Variants in ITPR2 observed in about 807,000 individuals in gnomAD.
ITPR2 encodes inositol 1,4,5-trisphosphate-gated calcium channel ITPR2.
Under a neutral mutation model 317.1 loss-of-function variants are expected in ITPR2, and 207 were observed. The ratio of observed to expected loss-of-function variants is 0.65; its 90% CI spans 0.58 to 0.73. The LOEUF (loss-of-function observed/expected upper bound fraction) is 0.73, where lower values mean the gene tolerates loss of function less well. ITPR2 is among the 30% of genes least tolerant of loss of function. The pLI, the probability that ITPR2 is intolerant of heterozygous loss-of-function variation, is 0.00. For missense variants in ITPR2, 2,613 were observed against 3,284.0 expected, an observed-to-expected ratio of 0.80 and a Z score of 4.99; for synonymous variants, 1,156 against 1,149.1, an observed-to-expected ratio of 1.01 and a Z score of -0.12.
chr12:26,376,978 C>A lies in ITPR2; in HGVS notation c.7857+10456G>T, dbSNP rs552516223. Among the ~76,000 whole-genome samples the A allele has an allele frequency of 5.9e-5, 9 of 152,284 alleles. No homozygotes were observed. In the East Asian group the frequency reaches 1.7e-3, roughly 29 times the overall value. ...TCCTGACCTCAGGTGATCCACCTGT[C>A]CCAGCCTCCCAAAGTGCTGGGATTA... On this transcript the variant is annotated intron_variant, in intron 55 of 56. Transcript: ENST00000381340.
At chr12:26,578,636 G>T in intron 34 of ITPR2, 77 bp downstream of exon 34, 1 of 1,314,232 alleles carries the variant, frequency 7.6e-7, no homozygotes, top group Non-Finnish European at 1.1e-6. Context: ...TTGGGAAGCT[G>T]CTTGTGTTGC....
chr12:26,461,691 TACACACACACACAC>T (rs10580959), intron 45 of ITPR2, among the ~76,000 whole-genome samples: 1 of 123,800 alleles, frequency 8.1e-6, no homozygotes. Flanking sequence ...CATATATATA[TACACACACACACAC>T]ACACACACAC....
chr12:26,812,601 T>G (rs1401199332), intron 1 of ITPR2, among the ~76,000 whole-genome samples: 2 of 152,210 alleles, frequency 1.3e-5, no homozygotes, highest in Non-Finnish European at 2.9e-5. Context: ...TAATACTAAT[T>G]TTTAAATGTC....
At chr12:26,603,186 C>A (rs936924351) in intron 26 of ITPR2, among the ~76,000 whole-genome samples, 2 of 152,166 alleles carry the variant, frequency 1.3e-5, no homozygotes, top group African/African-American at 4.8e-5. Context: ...CACAACAATT[C>A]TCTGACAGGT....
At chr12:26,427,853 T>A (rs1033081474) in intron 49 of ITPR2, 60 bp downstream of exon 49, 67 of 1,116,746 alleles carry the variant, frequency 6.0e-5, no homozygotes, top group Admixed American at 1.3e-4. Context: ...GTTATATTTT[T>A]ATATTTCATA....
intron 55 of ITPR2, among the ~76,000 whole-genome samples, chr12:26,347,217 A>G (rs1295248135): frequency 6.6e-6 from 1 of 152,248 alleles, no homozygotes; most frequent in Non-Finnish European, 1.5e-5. Flanking sequence ...TAAAGAATGT[A>G]ATAATTTTTC....
At chr12:26,401,812 A>G (rs1189649522) in intron 52 of ITPR2, among the ~76,000 whole-genome samples, 2 of 152,202 alleles carry the variant, frequency 1.3e-5, no homozygotes, top group African/African-American at 4.8e-5. Flanking sequence ...TTAACATTCT[A>G]TGGATAAGGG....
In ITPR2 at chr12:26,832,924, AC is replaced by A. The variant is rs1951142395; in HGVS notation, c.-144del. 1 of 654,634 alleles carries A rather than the reference AC, an allele frequency of 1.5e-6. No individual in the cohort carries two copies. Among genetic ancestry groups the A allele is most frequent in the Admixed American group, 3.1e-5 (1 of 31,804 alleles). The allele number at this position is 654,634 out of a possible 1,614,324, so 40.6% of individuals were successfully genotyped here. A position where few individuals can be genotyped will look rare whatever the true frequency, so the allele number is the denominator to read the frequency against. On this transcript the variant is annotated 5_prime_UTR_variant, in exon 1 of 57. It adds an upstream start codon to the 5' untranslated region. Coordinates refer to ENST00000381340, the MANE Select transcript of ITPR2 (RefSeq NM_002223.4). ...CGCGGCGGAGGGCACGGCCCGAGCCACTGAGCGTCGCGGCTCAGCCGTGCGT... is the reference window on the plus strand; with the variant it reads ...CGCGGCGGAGGGCACGGCCCGAGCCATGAGCGTCGCGGCTCAGCCGTGCGT...
intron 14 of ITPR2, among the ~76,000 whole-genome samples, chr12:26,664,404 G>A (rs779797279): frequency 6.6e-5 from 10 of 152,194 alleles, no homozygotes; most frequent in Non-Finnish European, 1.2e-4. Flanking sequence ...CAAATTAGGA[G>A]CCACATGGGC....
At chr12:26,368,296 C>A (rs917338732) in intron 55 of ITPR2, among the ~76,000 whole-genome samples, 1 of 152,132 alleles carries the variant, frequency 6.6e-6, no homozygotes, top group African/African-American at 2.4e-5. Context: ...TGGCCAAACT[C>A]TTTTATATTT....
At chr12:26,686,375 G>T in intron 11 of ITPR2, 106 bp downstream of exon 11, 1 of 670,540 alleles carries the variant, frequency 1.5e-6, no homozygotes. Context: ...CTTCATTTAT[G>T]TTTGCTCCCT....
At chr12:26,563,851 C>A (rs1944880784) in intron 34 of ITPR2, among the ~76,000 whole-genome samples, 1 of 152,178 alleles carries the variant, frequency 6.6e-6, no homozygotes, top group South Asian at 2.1e-4. Context: ...TTTAAAACTG[C>A]AGTGGAAACC....
At chr12:26,349,599 C>T (rs1393782024) in intron 55 of ITPR2, among the ~76,000 whole-genome samples, 1 of 152,202 alleles carries the variant, frequency 6.6e-6, no homozygotes, top group Non-Finnish European at 1.5e-5. Context: ...TGAATTTTTA[C>T]AAAATTATAA....
Position 26,725,682 on chromosome 12 carries a change from G to T in ITPR2, c.247C>A (p.His83Asn). The T allele has an allele frequency of 6.2e-7, 1 of 1,613,234 alleles. No homozygotes were observed. Among genetic ancestry groups the T allele is most frequent in the Non-Finnish European group, 8.5e-7 (1 of 1,179,426 alleles). Residue 83 changes from histidine to asparagine, a missense_variant, in exon 3 of 57, where the codon CAC becomes AAC. Around this residue, in one of 9 missense-constraint regions of ITPR2, gnomAD observed 515 missense variants for 789.4 expected, o/e 0.65. Transcript: ENST00000381340. ...TTCTTCAGCAAGGCTGCCTCGGTGT[G>T]GTTCCCTTGTTTGGCTTGCTTTGCT... ...WKAKQAKQGNHTEAALLKKLQ... is the reference protein window; with the variant it reads ...WKAKQAKQGNNTEAALLKKLQ...
intron 2 of ITPR2, among the ~76,000 whole-genome samples, chr12:26,744,538 C>A (rs1188203929): frequency 6.6e-6 from 1 of 152,212 alleles, no homozygotes; most frequent in African/African-American, 2.4e-5. Context: ...TAGCATGTCA[C>A]CATCTGATAA....
chr12:26,557,527 C>T (rs966688125), intron 35 of ITPR2, among the ~76,000 whole-genome samples: 17 of 152,160 alleles, frequency 1.1e-4, no homozygotes, highest in Non-Finnish European at 1.9e-4. Flanking sequence ...ACCTACTGCT[C>T]TCAAGGCAGC....
At chr12:26,625,160 T>G (rs1381400584) in intron 23 of ITPR2, among the ~76,000 whole-genome samples, 1 of 151,988 alleles carries the variant, frequency 6.6e-6, no homozygotes, top group Admixed American at 6.5e-5. Flanking sequence ...CTCATGGCGA[T>G]AGACAGTAGA....
chr12:26,589,793 A>C lies in ITPR2; in HGVS notation c.4380+5672T>G, dbSNP rs1427800715. 7.7e-4 allele frequency among the ~76,000 whole-genome samples: 40 copies of C among 52,108 alleles called. 3 individuals carry two copies. Among genetic ancestry groups the C allele is most frequent in the Non-Finnish European group, 1.9e-3 (34 of 17,450 alleles). The allele number at this position is 52,108 out of a possible 152,430, so 34.2% of individuals were successfully genotyped here. A position where few individuals can be genotyped will look rare whatever the true frequency, so the allele number is the denominator to read the frequency against. On this transcript the variant is annotated intron_variant, in intron 32 of 56. Coordinates refer to ENST00000381340, the MANE Select transcript of ITPR2 (RefSeq NM_002223.4). ...AAGAACGAAACTCTGTTTCAAAAAA[A>C]AAAATAAATAAATAAAAAATAAATA...
intron 37 of ITPR2, among the ~76,000 whole-genome samples, chr12:26,530,546 GA>G (rs1156982951): frequency 6.6e-6 from 1 of 152,172 alleles, no homozygotes; most frequent in Non-Finnish European, 1.5e-5. Context: ...TTGGGGCTAT[GA>G]ACTACTAGAA....
Sources: gnomAD v4.1 joint callset for allele counts (sites outside exome capture counted in the v4.1 genomes callset) on GRCh38, gnomAD v4.1.1 for gene constraint, gnomAD v4.1.1 regional missense constraint, MANE v1.5 for transcripts, NCBI Gene and HGNC (gene_info 2026-07-23, HGNC 2026-07-21) for gene names.